MDGA2: variants seen among roughly 807,000 people sequenced by gnomAD.
MDGA2 encodes MAM domain-containing glycosylphosphatidylinositol anchor protein 2.
Under a neutral mutation model 117.8 loss-of-function variants are expected in MDGA2, and 40 were observed. That is an observed-to-expected ratio of 0.34 (90% CI 0.26 to 0.44). The LOEUF is 0.44. MDGA2 is among the 20% of genes least tolerant of loss of function. The probability of loss-of-function intolerance (pLI) is 1.00; values close to 1 mark genes in which losing one functional copy is unlikely to be tolerated. For missense variants in MDGA2, 1,123 were observed against 1,250.6 expected (o/e 0.90, Z 1.54); for synonymous variants, 452 against 439.0 (o/e 1.03, Z -0.37).
intron 3 of MDGA2, among the ~76,000 whole-genome samples, chr14:47,171,207 G>A (rs1884116229): frequency 6.6e-6 from 1 of 152,078 alleles, no homozygotes; most frequent in Non-Finnish European, 1.5e-5. Flanking sequence ...TGAAGAGATT[G>A]TGGGAAAATA....
chr14:47,051,127 T>A (rs1371915272), intron 7 of MDGA2, among the ~76,000 whole-genome samples: 1 of 151,948 alleles, frequency 6.6e-6, no homozygotes, highest in East Asian at 1.9e-4. Flanking sequence ...TAAGGCATGC[T>A]GCAAGCTTTC....
intron 6 of MDGA2, among the ~76,000 whole-genome samples, chr14:47,091,891 C>G (rs1566618770): frequency 1.3e-5 from 2 of 152,110 alleles, no homozygotes; most frequent in Non-Finnish European, 2.9e-5. Context: ...ATGATCAGCC[C>G]TGATACCTGA....
intron 3 of MDGA2, among the ~76,000 whole-genome samples, chr14:47,205,133 CAT>C (rs1045149291): frequency 6.6e-6 from 1 of 151,668 alleles, no homozygotes; most frequent in African/African-American, 2.4e-5. Context: ...TATATATGTG[CAT>C]ATGTGTATAT....
chr14:46,847,105 T>C (rs1463618435), intron 15 of MDGA2, among the ~76,000 whole-genome samples: 3 of 152,076 alleles, frequency 2.0e-5, no homozygotes, highest in Non-Finnish European at 4.4e-5. Context: ...CCAATGTTCT[T>C]TGATATGCTC....
intron 1 of MDGA2, among the ~76,000 whole-genome samples, chr14:47,335,745 T>TATATATATATATATATACATAC: frequency 3.1e-5 from 3 of 95,558 alleles, no homozygotes; most frequent in Admixed American, 8.7e-5. Context: ...TATATATATA[T>TATATATATATATATATACATAC]ATACATACAT....
intron 1 of MDGA2, among the ~76,000 whole-genome samples, chr14:47,460,176 T>C (rs940792385): frequency 2.0e-5 from 3 of 152,206 alleles, no homozygotes; most frequent in African/African-American, 7.2e-5. Context: ...TTTTTAGATA[T>C]GCCTAATACA....
At chr14:47,342,872 G>T (rs1986979) in intron 1 of MDGA2, 2 of 377,412 alleles carry the variant, frequency 5.3e-6, no homozygotes, top group Non-Finnish European at 1.0e-5. Context: ...TTAAAGGCTA[G>T]GTTCCGTGTG....
chr14:47,350,686 T>C (rs1404937412), intron 1 of MDGA2, among the ~76,000 whole-genome samples: 1 of 152,182 alleles, frequency 6.6e-6, no homozygotes. Context: ...ACTGGGAGAA[T>C]GTATCTTAGA....
At chr14:47,670,421 G>A (rs1243310415) in intron 1 of MDGA2, among the ~76,000 whole-genome samples, 1 of 152,154 alleles carries the variant, frequency 6.6e-6, no homozygotes, top group African/African-American at 2.4e-5. Context: ...TATGTCAATA[G>A]AGTACTTCTT....
intron 1 of MDGA2, among the ~76,000 whole-genome samples, chr14:47,442,769 A>G (rs1481122160): frequency 1.3e-5 from 2 of 152,094 alleles, no homozygotes; most frequent in Non-Finnish European, 2.9e-5. Context: ...GCTTTCTGCA[A>G]TTTCATTTAC....
intron 1 of MDGA2, among the ~76,000 whole-genome samples, chr14:47,523,971 C>T (rs1364007868): frequency 1.3e-5 from 2 of 152,108 alleles, no homozygotes; most frequent in Non-Finnish European, 2.9e-5. Context: ...CAATACTTTC[C>T]AGTAATGCTT....
chr14:47,226,107 T>C (rs960848989), intron 2 of MDGA2, among the ~76,000 whole-genome samples: 1 of 151,554 alleles, frequency 6.6e-6, no homozygotes, highest in African/African-American at 2.4e-5. Flanking sequence ...CTGGGCAACA[T>C]AGGGAGACCC....
chr14:47,318,726 GA>G lies in MDGA2; in HGVS notation c.281-17177del, dbSNP rs1332326289. Among the ~76,000 whole-genome samples, 7 of 138,800 alleles carry G rather than the reference GA, an allele frequency of 5.0e-5. No homozygotes were observed. The East Asian group carries it at 1.5e-3, about 31-fold the overall frequency. 91.1% of individuals were successfully genotyped at this position (138,800 alleles called of 152,430 possible). ...ACCGAATGAATTAATTAATGCAGCAGAAAAAAATGGCCTATCTAGATCTGTA... is the reference window on the plus strand; with the variant it reads ...ACCGAATGAATTAATTAATGCAGCAGAAAAAATGGCCTATCTAGATCTGTA... On this transcript the variant is annotated intron_variant, in intron 1 of 16. Coordinates refer to ENST00000399232, the MANE Select transcript of MDGA2 (RefSeq NM_001113498.3).
intron 9 of MDGA2, among the ~76,000 whole-genome samples, chr14:46,933,903 G>A (rs1444778554): frequency 7.8e-6 from 1 of 127,834 alleles, no homozygotes; most frequent in African/African-American, 2.8e-5. Context: ...GATAAATACT[G>A]TTTCAACTTA....
intron 1 of MDGA2, among the ~76,000 whole-genome samples, chr14:47,641,827 G>C (rs1287535318): frequency 1.3e-5 from 2 of 152,102 alleles, no homozygotes; most frequent in African/African-American, 4.8e-5. Flanking sequence ...CATTTCAGAA[G>C]TGTATTAATT....
At chr14:47,258,351 C>G (rs1050526061) in intron 2 of MDGA2, among the ~76,000 whole-genome samples, 2 of 151,866 alleles carry the variant, frequency 1.3e-5, no homozygotes, top group Non-Finnish European at 2.9e-5. Context: ...TGGTGGAAGG[C>G]GGAGAGGAAG....
intron 1 of MDGA2, among the ~76,000 whole-genome samples, chr14:47,432,596 G>C (rs1262850458): frequency 2.0e-5 from 3 of 151,826 alleles, no homozygotes; most frequent in Non-Finnish European, 2.9e-5. Context: ...TATGAACAAA[G>C]GCCTTATGAA....
At chr14:47,006,877 C>A (rs1350920525) in intron 8 of MDGA2, among the ~76,000 whole-genome samples, 1 of 151,570 alleles carries the variant, frequency 6.6e-6, no homozygotes, top group Non-Finnish European at 1.5e-5. Flanking sequence ...GAAAAGTATG[C>A]ATTATTCTCG....
intron 2 of MDGA2, among the ~76,000 whole-genome samples, chr14:47,261,677 C>T (rs7143749): frequency 1.3e-5 from 2 of 152,062 alleles, no homozygotes; most frequent in East Asian, 3.9e-4. Context: ...ACACTTTATG[C>T]TATTTTCTGA....
Sources: gnomAD v4.1 joint callset for allele counts (sites outside exome capture counted in the v4.1 genomes callset) on GRCh38, gnomAD v4.1.1 for gene constraint, MANE v1.5 for transcripts, NCBI Gene and HGNC (gene_info 2026-07-23, HGNC 2026-07-21) for gene names.